The following SGK3 variants were observed in gnomAD, a reference collection of about 807,000 sequenced individuals.
The protein encoded by SGK3 is serum/glucocorticoid regulated kinase family member 3.
A neutral mutation model predicts 68.5 loss-of-function variants in SGK3; 47 were observed. That is an observed-to-expected ratio of 0.69 (90% confidence interval 0.54 to 0.87). SGK3 has a LOEUF of 0.87. Ranked by LOEUF, SGK3 falls within the 40% of genes least tolerant of loss-of-function variation. The pLI, the probability that SGK3 is intolerant of heterozygous loss-of-function variation, is 0.00. For synonymous variants in SGK3, 181 were observed against 189.1 expected, an observed-to-expected ratio of 0.96 and a Z score of 0.35; for missense variants, 479 against 575.5, an observed-to-expected ratio of 0.83 and a Z score of 1.72.
chr8:66,714,054 A>G (rs1300266194), intron 1 of SGK3, among the ~76,000 whole-genome samples: 1 of 152,208 alleles, frequency 6.6e-6, no homozygotes, highest in East Asian at 1.9e-4. Context: ...CTCTGGAGAC[A>G]CCAGAACTTC....
chr8:66,757,944 C>CAT (rs1368747828), intron 1 of SGK3, among the ~76,000 whole-genome samples: 3,399 of 127,158 alleles, frequency 0.027, 150 homozygotes, highest in African/African-American at 0.092. Flanking sequence ...TATATATATA[C>CAT]ATATATATAT....
In SGK3 at chr8:66,752,265, G is replaced by A. The variant is rs79961659; in HGVS notation, c.-122+39432G>A. On this transcript the variant is annotated intron_variant, in intron 1 of 16. Transcript: ENST00000521198. ...CTCTGTTCATTCAGTAAAACTTACT[G>A]TATGTGTAGTATGGTGACCAACCAC... 7.7e-3 allele frequency among the ~76,000 whole-genome samples: 1,166 copies of A among 152,204 alleles called. 11 individuals are homozygous for A. The highest frequency in any genetic ancestry group is 0.026 in the African/African-American group (1,095 of 41,516).
At chr8:66,778,537 C>A (rs1464854239) in intron 1 of SGK3, among the ~76,000 whole-genome samples, 2 of 152,186 alleles carry the variant, frequency 1.3e-5, no homozygotes, top group African/African-American at 4.8e-5. Flanking sequence ...ACCTCATGAT[C>A]GCCCGCCTCG....
intron 6 of SGK3, among the ~76,000 whole-genome samples, chr8:66,828,334 A>C (rs1372445236): frequency 6.6e-6 from 1 of 152,208 alleles, no homozygotes; most frequent in African/African-American, 2.4e-5. Flanking sequence ...ATCCCTCTTA[A>C]ATTGCAGTTG....
chr8:66,826,910 G>T (rs1009898533), intron 6 of SGK3, among the ~76,000 whole-genome samples: 5 of 151,964 alleles, frequency 3.3e-5, no homozygotes, highest in Non-Finnish European at 5.9e-5. Context: ...CTCCCAAAGT[G>T]CTGGGATTAC....
chr8:66,799,469 AGTGTT>A (rs1328735485), intron 3 of SGK3, among the ~76,000 whole-genome samples: 4 of 152,236 alleles, frequency 2.6e-5, no homozygotes, highest in African/African-American at 9.6e-5. Context: ...GTTTGTGGAT[AGTGTT>A]GCCTTGAAGA....
At chr8:66,853,188 T>C (rs191686652) in intron 16 of SGK3, among the ~76,000 whole-genome samples, 4 of 152,336 alleles carry the variant, frequency 2.6e-5, no homozygotes, top group African/African-American at 9.6e-5. Flanking sequence ...TAAATATTTA[T>C]TGGTAACTTA....
chr8:66,760,330 CTTTTT>C (rs201559163), intron 1 of SGK3, among the ~76,000 whole-genome samples: 17 of 115,648 alleles, frequency 1.5e-4, no homozygotes, highest in Admixed American at 9.0e-4. Flanking sequence ...TTTCTTTTTT[CTTTTT>C]TTTTTTTTTT....
At chr8:66,811,756 C>G (rs751509449) in intron 4 of SGK3, among the ~76,000 whole-genome samples, 3 of 152,200 alleles carry the variant, frequency 2.0e-5, no homozygotes, top group Non-Finnish European at 4.4e-5. Context: ...AAAGCTGTTT[C>G]CATGTAGTTA....
chr8:66,717,112 G>A (rs1282783680), intron 1 of SGK3, among the ~76,000 whole-genome samples: 3 of 151,940 alleles, frequency 2.0e-5, no homozygotes, highest in Non-Finnish European at 2.9e-5. Context: ...GGCTGAGGCA[G>A]GAGAACCTCT....
At chr8:66,782,208 A>G (rs1376770679) in intron 1 of SGK3, among the ~76,000 whole-genome samples, 1 of 152,186 alleles carries the variant, frequency 6.6e-6, no homozygotes, top group Non-Finnish European at 1.5e-5. Flanking sequence ...GTAACTTAAA[A>G]CGAAACCTAT....
chr8:66,830,329 T>C (rs1231525411), intron 7 of SGK3, among the ~76,000 whole-genome samples: 1 of 152,216 alleles, frequency 6.6e-6, no homozygotes, highest in African/African-American at 2.4e-5. Flanking sequence ...AGAAAATAGT[T>C]CAAAGAGCAG....
At position 66,826,538 on chromosome 8, in the gene SGK3, C is replaced by T. The variant is rs186142578; in HGVS notation, c.418-2116C>T. 4.3e-3 allele frequency among the ~76,000 whole-genome samples: 649 copies of T among 152,308 alleles called. 6 individuals are homozygous for T. The highest frequency in any genetic ancestry group is 0.015 in the African/African-American group (619 of 41,556). On this transcript the variant is annotated intron_variant, in intron 6 of 16. Transcript: ENST00000521198. ...AACTATGCCGCAACAGGACTAATCT[C>T]ATTTAATGAATTTTTTATGTATAGG...
chr8:66,842,340 C>A (rs1379891614), intron 13 of SGK3, among the ~76,000 whole-genome samples: 2 of 151,676 alleles, frequency 1.3e-5, no homozygotes, highest in Non-Finnish European at 2.9e-5. Context: ...CCTGCCTCAG[C>A]CCCCCGAGTA....
At chr8:66,724,997 C>A (rs546812810) in intron 1 of SGK3, among the ~76,000 whole-genome samples, 63 of 152,136 alleles carry the variant, frequency 4.1e-4, no homozygotes, top group African/African-American at 1.5e-3. Context: ...GAGGCCGAGG[C>A]GGGCGGATCA....
intron 7 of SGK3, among the ~76,000 whole-genome samples, chr8:66,828,967 G>GGTGTGT (rs113679632): frequency 4.4e-4 from 52 of 119,538 alleles, no homozygotes; most frequent in African/African-American, 1.3e-3. Context: ...GTGGGTGGGG[G>GGTGTGT]GTGTGTGTGT....
intron 5 of SGK3, among the ~76,000 whole-genome samples, chr8:66,816,526 A>G (rs1295995171): frequency 6.6e-6 from 1 of 151,530 alleles, no homozygotes; most frequent in African/African-American, 2.4e-5. Flanking sequence ...TTGTATTTTT[A>G]GTAGAGACGG....
At chr8:66,720,563 A>C (rs1030428374) in intron 1 of SGK3, among the ~76,000 whole-genome samples, 4 of 151,764 alleles carry the variant, frequency 2.6e-5, no homozygotes, top group Non-Finnish European at 5.9e-5. Context: ...TGAGGTTAGG[A>C]GTTTGAGACC....
At chr8:66,723,104 TATATATATATATATATA>T (rs1804851919) in intron 1 of SGK3, among the ~76,000 whole-genome samples, 1 of 34,312 alleles carries the variant, frequency 2.9e-5, no homozygotes, top group Non-Finnish European at 5.4e-5. Context: ...TATATATATA[TATATATATATATATATA>T]TATATATATA....
Sources: allele counts gnomAD v4.1 joint callset (sites outside exome capture counted in the v4.1 genomes callset), GRCh38; gene constraint gnomAD v4.1.1; transcripts MANE v1.5; gene names NCBI Gene and HGNC (gene_info 2026-07-23, HGNC 2026-07-21).